Variants in RBMS3 observed in about 807,000 individuals in gnomAD.
RBMS3 encodes the protein RNA binding motif single stranded interacting protein 3.
In RBMS3, 27 loss-of-function variants were observed where a neutral mutation model predicts 66.8. That is an observed-to-expected ratio of 0.40 (90% confidence interval 0.30 to 0.56). The LOEUF is 0.56. RBMS3 is among the 20% of genes least tolerant of loss of function. The pLI is 0.40. For synonymous variants in RBMS3, 188 were observed against 183.0 expected, an observed-to-expected ratio of 1.03 and a Z score of -0.22; for missense variants, 513 against 549.5, an observed-to-expected ratio of 0.93 and a Z score of 0.66.
intron 1 of RBMS3, among the ~76,000 whole-genome samples, chr3:29,318,798 G>A (rs994848697): frequency 2.2e-4 from 34 of 151,764 alleles, no homozygotes; most frequent in African/African-American, 8.0e-4. Context: ...AGAGACTTAA[G>A]TAAGAAATAT....
intron 1 of RBMS3, among the ~76,000 whole-genome samples, chr3:29,372,882 GAA>G (rs201869825): frequency 7.2e-6 from 1 of 138,338 alleles, no homozygotes. Flanking sequence ...CAGTGAGAGA[GAA>G]AAAAAAAAAC....
chr3:29,548,274 T>TA lies in RBMS3; in HGVS notation c.308-38832dup, dbSNP rs527559450. Among the ~76,000 whole-genome samples, 172 of 151,440 alleles carry TA rather than the reference T, an allele frequency of 1.1e-3. 3 individuals carry two copies. In the East Asian group the frequency reaches 0.023, roughly 20 times the overall value. ...GACGCTTGACTCTACAAAATAGCAA[T>TA]AAAAAAAATTAGCTGGGCCTGGTGG... On this transcript the variant is annotated intron_variant, in intron 3 of 14. Transcript: ENST00000383767.
intron 4 of RBMS3, among the ~76,000 whole-genome samples, chr3:29,618,943 G>T (rs1225776061): frequency 2.0e-5 from 3 of 152,152 alleles, no homozygotes; most frequent in Non-Finnish European, 4.4e-5. Context: ...CCAAACAAAA[G>T]TAGGTAGGGA....
intron 4 of RBMS3, among the ~76,000 whole-genome samples, chr3:29,623,049 T>A (rs1314345329): frequency 1.4e-5 from 2 of 146,932 alleles, no homozygotes; most frequent in East Asian, 4.2e-4. Context: ...CTGGCAAGCT[T>A]GCAGTGAGCC....
intron 1 of RBMS3, among the ~76,000 whole-genome samples, chr3:29,354,866 G>A (rs1370594878): frequency 1.3e-5 from 2 of 152,004 alleles, no homozygotes; most frequent in Non-Finnish European, 2.9e-5. Flanking sequence ...CACTCATTCT[G>A]TGTCAGACTG....
intron 1 of RBMS3, among the ~76,000 whole-genome samples, chr3:29,386,334 T>C (rs1285472172): frequency 6.6e-6 from 1 of 152,220 alleles, no homozygotes; most frequent in Non-Finnish European, 1.5e-5. Flanking sequence ...TTTCTCTCCT[T>C]TCTGCCTTTC....
chr3:29,597,987 G>T (rs2048015235), intron 4 of RBMS3, among the ~76,000 whole-genome samples: 1 of 152,018 alleles, frequency 6.6e-6, no homozygotes, highest in Non-Finnish European at 1.5e-5. Context: ...ACTCTTTTCT[G>T]ATTCAAAGGT....
intron 14 of RBMS3, among the ~76,000 whole-genome samples, chr3:29,993,665 A>C (rs1362419652): frequency 6.6e-6 from 1 of 152,242 alleles, no homozygotes; most frequent in East Asian, 1.9e-4. Flanking sequence ...TGCTAGAGCT[A>C]GGACATTGGT....
At chr3:29,588,687 G>A (rs999871401) in intron 4 of RBMS3, among the ~76,000 whole-genome samples, 1 of 151,990 alleles carries the variant, frequency 6.6e-6, no homozygotes, top group Non-Finnish European at 1.5e-5. Flanking sequence ...ATTATGCCTA[G>A]AAGCTTTGGA....
chr3:29,673,213 C>T (rs1243525632), intron 4 of RBMS3, among the ~76,000 whole-genome samples: 1 of 152,126 alleles, frequency 6.6e-6, no homozygotes, highest in Non-Finnish European at 1.5e-5. Flanking sequence ...AGCAAAGACA[C>T]AACATACCAG....
chr3:29,807,913 A>T (rs2057608210), intron 6 of RBMS3, among the ~76,000 whole-genome samples: 2 of 151,630 alleles, frequency 1.3e-5, no homozygotes, highest in Admixed American at 1.3e-4. Flanking sequence ...TGAAATTTCA[A>T]TTTTTTCCCT....
intron 10 of RBMS3, among the ~76,000 whole-genome samples, chr3:29,907,428 A>G (rs2060407539): frequency 1.3e-5 from 2 of 152,084 alleles, no homozygotes; most frequent in South Asian, 4.1e-4. Context: ...GCCACTATGA[A>G]TTATTTTTTA....
At chr3:29,307,093 T>A (rs1456199307) in intron 1 of RBMS3, among the ~76,000 whole-genome samples, 1 of 151,942 alleles carries the variant, frequency 6.6e-6, no homozygotes, top group Non-Finnish European at 1.5e-5. Context: ...AAATTGCTGC[T>A]AGTTCTATGC....
At chr3:29,499,044 C>T (rs1056000835) in intron 3 of RBMS3, among the ~76,000 whole-genome samples, 1 of 152,034 alleles carries the variant, frequency 6.6e-6, no homozygotes, top group Non-Finnish European at 1.5e-5. Flanking sequence ...CAAATTCCAT[C>T]GCAGTGACAG....
intron 7 of RBMS3, among the ~76,000 whole-genome samples, chr3:29,879,369 A>AT (rs1438909543): frequency 6.6e-6 from 1 of 152,110 alleles, no homozygotes; most frequent in Non-Finnish European, 1.5e-5. Flanking sequence ...TAATTAACTT[A>AT]TTTTTTATTG....
At chr3:29,738,050 CTA>C (rs1248448008) in intron 4 of RBMS3, among the ~76,000 whole-genome samples, 4 of 152,028 alleles carry the variant, frequency 2.6e-5, no homozygotes, top group Non-Finnish European at 4.4e-5. Flanking sequence ...TAAAATGAAA[CTA>C]ATAATACATC....
intron 1 of RBMS3, among the ~76,000 whole-genome samples, chr3:29,431,581 G>A (rs539307557): frequency 3.4e-4 from 51 of 151,942 alleles, no homozygotes; most frequent in Non-Finnish European, 5.4e-4. Context: ...GTGAGCCACC[G>A]CGCCCAGCCA....
At chr3:29,644,409 T>A (rs752771888) in intron 4 of RBMS3, among the ~76,000 whole-genome samples, 1 of 152,182 alleles carries the variant, frequency 6.6e-6, no homozygotes, top group Non-Finnish European at 1.5e-5. Context: ...ATAGTTTGGG[T>A]GTGCCTCCAT....
chr3:29,409,306 C>A (rs7619163), intron 1 of RBMS3, among the ~76,000 whole-genome samples: 10,775 of 150,164 alleles, frequency 0.072, 823 homozygotes, highest in African/African-American at 0.2. Flanking sequence ...ACCTCAGTTG[C>A]GGCACCTCAG....
Sources: allele counts gnomAD v4.1 joint callset (sites outside exome capture counted in the v4.1 genomes callset), GRCh38; gene constraint gnomAD v4.1.1; transcripts MANE v1.5; gene names NCBI Gene and HGNC (gene_info 2026-07-23, HGNC 2026-07-21).